Variants in PLXNA1 observed in about 807,000 individuals in gnomAD.
The protein encoded by PLXNA1 is plexin-A1.
PLXNA1 carries 77 observed loss-of-function variants against 191.7 expected under a neutral mutation model. The observed-to-expected ratio is 0.40, with a 90% CI of 0.33 to 0.49. The LOEUF (loss-of-function observed/expected upper bound fraction) is 0.49, where lower values mean the gene tolerates loss of function less well. Among genes scored for constraint, PLXNA1 ranks in the 20% least tolerant of loss-of-function variants. PLXNA1 has a pLI of 0.63. For missense variants in PLXNA1, 2,110 were observed against 2,660.2 expected, an observed-to-expected ratio of 0.79 and a Z score of 4.55; for synonymous variants, 1,137 against 1,156.4, an observed-to-expected ratio of 0.98 and a Z score of 0.34.
chr3:127,003,607 G>A (rs897575200), intron 4 of PLXNA1, 137 bp downstream of exon 4: 1 of 1,050,494 alleles, frequency 9.5e-7, no homozygotes, highest in Non-Finnish European at 1.3e-6. Context: ...GTTTCAAGCT[G>A]GTCTGTGCTC....
At chr3:127,004,845 G>T in intron 5 of PLXNA1, 40 bp from the exon 6 acceptor site, 1 of 1,566,188 alleles carries the variant, frequency 6.4e-7, no homozygotes, top group Non-Finnish European at 8.7e-7. Context: ...GGGCCCCGTA[G>T]GTCTCCCCAT....
At chr3:127,011,478 C>T (rs761366432) in intron 9 of PLXNA1, among the ~76,000 whole-genome samples, 5 of 152,182 alleles carry the variant, frequency 3.3e-5, no homozygotes, top group Admixed American at 6.5e-5. Flanking sequence ...TCAGTGTTCC[C>T]GAGGGGCCAT....
chr3:127,000,442 G>A (rs2107625142), intron 3 of PLXNA1, among the ~76,000 whole-genome samples: 1 of 152,212 alleles, frequency 6.6e-6, no homozygotes, highest in African/African-American at 2.4e-5. Context: ...CTCCCGGCCG[G>A]CGTGTGCCCT....
chr3:126,998,209 G>A (rs2079023438), intron 3 of PLXNA1, among the ~76,000 whole-genome samples: 1 of 152,228 alleles, frequency 6.6e-6, no homozygotes, highest in African/African-American at 2.4e-5. Context: ...GGCACACTAT[G>A]CTTGTGTGGT....
chr3:127,016,937 G>A lies in PLXNA1; in HGVS notation c.3183-7G>A. Reference sequence around the variant, plus strand: ...TTGGTGACCCCCCCACCCCTGTCCTGTTCCAGCGGTGGGACCCTCCTGACG... The same window carrying A: ...TTGGTGACCCCCCCACCCCTGTCCTATTCCAGCGGTGGGACCCTCCTGACG... On this transcript the variant is annotated splice_polypyrimidine_tract_variant and splice_region_variant and intron_variant, in intron 16 of 31. Transcript: ENST00000393409. 1 of 1,610,202 alleles carries A rather than the reference G, an allele frequency of 6.2e-7. No individual in the cohort carries two copies. The highest frequency in any genetic ancestry group is 8.5e-7 in the Non-Finnish European group (1 of 1,177,510).
At chr3:126,993,060 C>T (rs915918296) in intron 3 of PLXNA1, among the ~76,000 whole-genome samples, 2 of 152,192 alleles carry the variant, frequency 1.3e-5, no homozygotes, top group Non-Finnish European at 2.9e-5. Flanking sequence ...CTACCCTGTT[C>T]CTGCTGCCCA....
intron 9 of PLXNA1, among the ~76,000 whole-genome samples, chr3:127,009,725 CCTT>C (rs2079086725): frequency 6.6e-6 from 1 of 152,176 alleles, no homozygotes; most frequent in Admixed American, 6.5e-5. Context: ...CTCTGTGGCC[CCTT>C]CTTGTGCCTG....
At chr3:127,031,777 G>C (rs2079212736) in intron 29 of PLXNA1, 1 of 153,746 alleles carries the variant, frequency 6.5e-6, no homozygotes, top group Non-Finnish European at 1.4e-5. Context: ...CTCCAGGTCA[G>C]CATGTTCTTG....
Position 127,003,364 on chromosome 3 carries a change from C to T in PLXNA1, c.1412C>T (p.Pro471Leu). The change falls in exon 4 of 32, where the codon CCT (proline) becomes CTT (leucine). Residue 471 changes from proline (P) to leucine (L), a missense_variant. Transcript: ENST00000393409. ...LVDLSNPGGR[P>L]ALAYESVVAQ... ...GACCTCTCAAACCCCGGTGGCCGGC[C>T]TGCCCTGGCCTACGAGAGCGTCGTG... 6.2e-7 allele frequency: 1 copy of T among 1,609,740 alleles called. No homozygotes were observed. The highest frequency in any genetic ancestry group is 1.3e-5 in the African/African-American group (1 of 74,984).
intron 1 of PLXNA1, among the ~76,000 whole-genome samples, chr3:126,988,062 AG>A (rs1295472075): frequency 6.6e-6 from 1 of 152,072 alleles, no homozygotes; most frequent in Non-Finnish European, 1.5e-5. Flanking sequence ...ACGGTGGTGG[AG>A]TATGTCCCCA....
At chr3:126,996,932 C>T (rs1004441113) in intron 3 of PLXNA1, among the ~76,000 whole-genome samples, 1 of 152,200 alleles carries the variant, frequency 6.6e-6, no homozygotes, top group African/African-American at 2.4e-5. Context: ...CACATGGAAG[C>T]GTGCATTGGG....
intron 9 of PLXNA1, among the ~76,000 whole-genome samples, chr3:127,009,870 G>T (rs1368090367): frequency 1.3e-5 from 2 of 152,230 alleles, no homozygotes; most frequent in African/African-American, 4.8e-5. Flanking sequence ...CCCACGTGGA[G>T]CCCCCACCGA....
rs1224186995 is a variant in PLXNA1, at chr3:127,035,627, G to GAT, written c.*1610_*1611insAT. On this transcript the variant is annotated 3_prime_UTR_variant, in exon 32 of 32. Coordinates refer to ENST00000393409, the MANE Select transcript of PLXNA1 (RefSeq NM_032242.4). The stretch of plus-strand genomic sequence containing the variant: ...ATGTTTTTTAATTAATCAGTCACTT[G>GAT]TAAAAGCAAACAAGCGGTCCATCCC... 5.9e-5 allele frequency: 9 copies of GAT among 152,616 alleles called. No individual in the cohort carries two copies. Among genetic ancestry groups the GAT allele is most frequent in the African/African-American group, 2.2e-4 (9 of 41,442 alleles). 9.5% of individuals were successfully genotyped at this position (152,616 alleles called of 1,614,324 possible).
At position 126,988,568 on chromosome 3, in the gene PLXNA1, A is replaced by ACCGAGGC. The variant is rs1264915024; in HGVS notation, c.-23_-17dup. On this transcript the variant is annotated 5_prime_UTR_variant, in exon 2 of 32. Transcript: ENST00000393409. ...ATGCTCACCCCAGCAGGACCAGAGC[A>ACCGAGGC]CCGAGGCCCAAGGCCCCAGCCTGCC... The ACCGAGGC allele has an allele frequency of 4.8e-6, 7 of 1,460,986 alleles. No individual in the cohort carries two copies. The African/African-American group carries it at 9.9e-5, about 21-fold the overall frequency. The allele number at this position is 1,460,986 out of a possible 1,614,324, so 90.5% of individuals were successfully genotyped here.
At chr3:126,985,555 CTCT>C (rs2078954299) in intron 1 of PLXNA1, among the ~76,000 whole-genome samples, 1 of 151,988 alleles carries the variant, frequency 6.6e-6, no homozygotes, top group East Asian at 1.9e-4. Flanking sequence ...ACCTGGTCCT[CTCT>C]TGAGGCCTTT....
chr3:127,023,286 A>G (rs2079161126), intron 23 of PLXNA1, among the ~76,000 whole-genome samples: 1 of 152,200 alleles, frequency 6.6e-6, no homozygotes, highest in South Asian at 2.1e-4. Flanking sequence ...AACAGGGTGT[A>G]GGCCAGAGAC....
At chr3:127,011,849 G>A (rs2079097224) in intron 9 of PLXNA1, 109 bp from the exon 10 acceptor site, 4 of 1,045,884 alleles carry the variant, frequency 3.8e-6, no homozygotes, top group Admixed American at 1.9e-5. Flanking sequence ...GGGCACATTG[G>A]TGCTTGGCTG....
intron 15 of PLXNA1, 27 bp from the exon 16 acceptor site, chr3:127,016,490 C>T: frequency 6.2e-7 from 1 of 1,611,676 alleles, no homozygotes; most frequent in Non-Finnish European, 8.5e-7. Flanking sequence ...CCGTGTGCTC[C>T]TCACTGTCCC....
rs2078998336 is a variant in PLXNA1, at chr3:126,992,897, A to T, written c.1377+1331A>T. On this transcript the variant is annotated intron_variant, in intron 3 of 31. Transcript: ENST00000393409. ...ACTCCCTCTCCTCACACTGGAAGGC[A>T]CACAGGGCTCTCGAGCGCATGGGGT... 2.0e-5 allele frequency among the ~76,000 whole-genome samples: 3 copies of T among 152,236 alleles called. No homozygotes were observed. The South Asian group carries it at 6.2e-4, about 32-fold the overall frequency.
Sources: allele counts gnomAD v4.1 joint callset (sites outside exome capture counted in the v4.1 genomes callset), GRCh38; gene constraint gnomAD v4.1.1; transcripts MANE v1.5; gene names NCBI Gene and HGNC (gene_info 2026-07-23, HGNC 2026-07-21).